The following SLC11A2 variants were observed in gnomAD, a reference collection of about 807,000 sequenced individuals.
SLC11A2 encodes natural resistance-associated macrophage protein 2.
In SLC11A2, 38 loss-of-function variants were observed where a neutral mutation model predicts 68.0. The observed-to-expected ratio is 0.56, with a 90% CI of 0.43 to 0.73. The LOEUF is 0.73. Among genes scored for constraint, SLC11A2 ranks in the 30% least tolerant of loss-of-function variants. SLC11A2 has a pLI of 0.00. For missense variants in SLC11A2, 517 were observed against 690.5 expected (o/e 0.75, Z 2.82); for synonymous variants, 242 against 250.6 (o/e 0.97, Z 0.32).
upstream of SLC11A2, chr12:51,028,066 C>A (rs1197443615): frequency 5.2e-6 from 3 of 581,810 alleles, no homozygotes; most frequent in Non-Finnish European, 8.7e-6. Flanking sequence ...TCCTCCAGAT[C>A]GGAACCTTTC....
chr12:50,988,166 C>T lies in SLC11A2; in HGVS notation c.*159G>A. On this transcript the variant is annotated 3_prime_UTR_variant, in exon 16 of 16. Transcript: ENST00000262052. Reference sequence around the variant, plus strand: ...TAGGTCAGGAAGGAAAAAATAATTCCATCTTTCAAATACACATGAAACAAA... The same window carrying T: ...TAGGTCAGGAAGGAAAAAATAATTCTATCTTTCAAATACACATGAAACAAA... 6.5e-7 allele frequency: 1 copy of T among 1,529,710 alleles called. No individual in the cohort carries two copies. Among genetic ancestry groups the T allele is most frequent in the Non-Finnish European group, 8.8e-7 (1 of 1,139,930 alleles). The allele number at this position is 1,529,710 out of a possible 1,614,324, so 94.8% of individuals were successfully genotyped here.
At chr12:50,957,536 G>T in the SLC11A2 span, among the ~76,000 whole-genome samples, 1 of 151,360 alleles carries the variant, frequency 6.6e-6, no homozygotes, top group African/African-American at 2.4e-5. Flanking sequence ...CTTACATTTA[G>T]ATTAAAATTT....
At chr12:50,983,797 C>T (rs1419022372), downstream of SLC11A2, among the ~76,000 whole-genome samples, 1 of 151,960 alleles carries the variant, frequency 6.6e-6, no homozygotes, top group Non-Finnish European at 1.5e-5. Flanking sequence ...ATGGTGAATC[C>T]CCATCTCTAA....
At chr12:51,022,159 A>G (rs1000284362) in intron 1 of SLC11A2, among the ~76,000 whole-genome samples, 2 of 152,142 alleles carry the variant, frequency 1.3e-5, no homozygotes, top group Admixed American at 6.6e-5. Context: ...AGAAGTTTAC[A>G]GCAGTGTGTT....
At chr12:50,979,665 G>T (rs1939911010), downstream of SLC11A2, 1 of 363,236 alleles carries the variant, frequency 2.8e-6, no homozygotes, top group Admixed American at 3.5e-5. Context: ...AGGGTTGGCT[G>T]CTCTCATTAT....
upstream of SLC11A2, chr12:51,028,310 G>T: frequency 9.7e-7 from 1 of 1,032,142 alleles, no homozygotes; most frequent in Non-Finnish European, 1.4e-6. Flanking sequence ...TAGATAAAGG[G>T]CACTTTTGGG....
chr12:50,967,961 C>T, the SLC11A2 span, among the ~76,000 whole-genome samples: 6 of 152,048 alleles, frequency 3.9e-5, no homozygotes, highest in African/African-American at 1.5e-4. Flanking sequence ...GCTGCATGCA[C>T]CTGTGGTCCC....
rs427020 is a variant in SLC11A2, at chr12:51,010,684, C to T, written c.34+11G>A. On this transcript the variant is annotated intron_variant, in intron 2 of 15. Transcript: ENST00000262052. ...AATAAAATTAGACAATAACACAAAGCGGTAAATTACCATCTGACATCTTCT... is the reference window on the plus strand; with the variant it reads ...AATAAAATTAGACAATAACACAAAGTGGTAAATTACCATCTGACATCTTCT... The T allele has an allele frequency of 0.49, 714,538 of 1,444,066 alleles. 187,038 individuals carry two copies. Among genetic ancestry groups the T allele is most frequent in the Non-Finnish European group, 0.55 (558,657 of 1,024,110 alleles). The allele number at this position is 1,444,066 out of a possible 1,614,324, so 89.5% of individuals were successfully genotyped here. A position where few individuals can be genotyped will look rare whatever the true frequency, so the allele number is the denominator to read the frequency against.
intron 12 of SLC11A2, 61 bp from the exon 13 acceptor site, chr12:50,992,400 G>C: frequency 6.7e-7 from 1 of 1,502,672 alleles, no homozygotes; most frequent in Non-Finnish European, 9.2e-7. Context: ...AAGTTTTGGG[G>C]AGGTTCAGGA....
the SLC11A2 span, among the ~76,000 whole-genome samples, chr12:50,958,648 A>G: frequency 1.3e-5 from 2 of 152,108 alleles, no homozygotes; most frequent in Non-Finnish European, 2.9e-5. Flanking sequence ...AAGGCTTACT[A>G]TATTGCTACA....
chr12:51,022,894 C>T (rs1369407178), intron 1 of SLC11A2, among the ~76,000 whole-genome samples: 2 of 152,124 alleles, frequency 1.3e-5, no homozygotes, highest in Non-Finnish European at 2.9e-5. Flanking sequence ...AGACTAAAAA[C>T]CCTAATTTGT....
At chr12:51,014,803 A>C (rs1943501548) in intron 1 of SLC11A2, among the ~76,000 whole-genome samples, 1 of 152,198 alleles carries the variant, frequency 6.6e-6, no homozygotes, top group Non-Finnish European at 1.5e-5. Context: ...CAGTGAGCCG[A>C]GATCATGCCA....
chr12:50,960,639 T>G, the SLC11A2 span, among the ~76,000 whole-genome samples: 1 of 152,178 alleles, frequency 6.6e-6, no homozygotes, highest in African/African-American at 2.4e-5. Context: ...TTCATTTAAC[T>G]CTCTAAGCAC....
At chr12:50,959,522 A>AT in the SLC11A2 span, among the ~76,000 whole-genome samples, 1 of 151,822 alleles carries the variant, frequency 6.6e-6, no homozygotes, top group African/African-American at 2.4e-5. Context: ...TTATCCAAAA[A>AT]TTTTTTTTCA....
In SLC11A2 at chr12:50,986,359, GAGGGT is replaced by G; in HGVS notation, c.*1961_*1965del. Reference sequence around the variant, plus strand: ...GTGAAGATCAAATGCAATAACGTATGAGGGTATTTTTAACACTGTGAAGTACACAC... The same window carrying G: ...GTGAAGATCAAATGCAATAACGTATGATTTTTAACACTGTGAAGTACACAC... On this transcript the variant is annotated 3_prime_UTR_variant, in exon 16 of 16. Coordinates refer to ENST00000262052, the MANE Select transcript of SLC11A2 (RefSeq NM_000617.3). 7.8e-7 allele frequency: 1 copy of G among 1,280,446 alleles called. No homozygotes were observed. The highest frequency in any genetic ancestry group is 1.0e-6 in the Non-Finnish European group (1 of 982,530). 79.3% of individuals were successfully genotyped at this position (1,280,446 alleles called of 1,614,324 possible). A position where few individuals can be genotyped will look rare whatever the true frequency, so the allele number is the denominator to read the frequency against.
chr12:51,004,690 C>T (rs1942567125), intron 5 of SLC11A2, 98 bp downstream of exon 5: 1 of 1,403,804 alleles, frequency 7.1e-7, no homozygotes, highest in East Asian at 2.4e-5. Flanking sequence ...CCCCCAAGTC[C>T]TTGACTGTCT....
upstream of SLC11A2, among the ~76,000 whole-genome samples, chr12:51,027,150 T>C (rs1363915469): frequency 1.4e-5 from 2 of 146,230 alleles, no homozygotes; most frequent in South Asian, 4.4e-4. Flanking sequence ...ACTCCAGCCT[T>C]GGAAACAAGA....
At chr12:51,026,420 G>A (rs1057516023), upstream of SLC11A2, 5 of 1,187,068 alleles carry the variant, frequency 4.2e-6, no homozygotes, top group South Asian at 6.4e-5. Flanking sequence ...TTGGTCGACA[G>A]GACGGCAGCC....
chr12:51,000,874 GTTGGGGTC>G (rs1942147629), intron 5 of SLC11A2, among the ~76,000 whole-genome samples: 1 of 152,086 alleles, frequency 6.6e-6, no homozygotes, highest in Non-Finnish European at 1.5e-5. Flanking sequence ...ACATGAAAAG[GTTGGGGTC>G]AGGCTGGGCG....
Sources: allele counts gnomAD v4.1 joint callset (sites outside exome capture counted in the v4.1 genomes callset), GRCh38; gene constraint gnomAD v4.1.1; transcripts MANE v1.5; gene names NCBI Gene and HGNC (gene_info 2026-07-23, HGNC 2026-07-21).